GFRA1: variants seen among roughly 807,000 people sequenced by gnomAD.
GFRA1 encodes the protein GDNF family receptor alpha 1.
GFRA1 carries 16 observed loss-of-function variants against 51.6 expected under a neutral mutation model. The observed-to-expected ratio is 0.31, with a 90% CI of 0.21 to 0.47. The LOEUF (loss-of-function observed/expected upper bound fraction) is 0.47. Among genes scored for constraint, GFRA1 ranks in the 20% least tolerant of loss-of-function variants. The pLI, the probability that GFRA1 is intolerant of heterozygous loss-of-function variation, is 1.00. For synonymous variants in GFRA1, 270 were observed against 241.3 expected (o/e 1.12, Z -1.10); for missense variants, 530 against 594.3 (o/e 0.89, Z 1.13).
intron 8 of GFRA1, among the ~76,000 whole-genome samples, chr10:116,093,180 T>A (rs906966144): frequency 6.6e-6 from 1 of 152,184 alleles, no homozygotes; most frequent in African/African-American, 2.4e-5. Context: ...GAATTGTTGC[T>A]TCTCCTCTGA....
chr10:116,110,927 T>C (rs760828283), intron 6 of GFRA1, among the ~76,000 whole-genome samples: 3 of 152,162 alleles, frequency 2.0e-5, no homozygotes, highest in African/African-American at 4.8e-5. Flanking sequence ...CAAGGGTTCA[T>C]AGCAACCTTG....
chr10:116,180,817 T>C (rs1399806948), intron 5 of GFRA1, among the ~76,000 whole-genome samples: 2 of 152,238 alleles, frequency 1.3e-5, no homozygotes, highest in Non-Finnish European at 2.9e-5. Flanking sequence ...CCAAATAACG[T>C]TCTTTCTAGA....
intron 6 of GFRA1, among the ~76,000 whole-genome samples, chr10:116,098,652 C>A (rs1956701973): frequency 6.6e-6 from 1 of 152,188 alleles, no homozygotes; most frequent in Non-Finnish European, 1.5e-5. Context: ...CGGCCTGTCC[C>A]CCAGAGACAA....
chr10:116,087,059 C>A (rs764857712), intron 9 of GFRA1, among the ~76,000 whole-genome samples: 1 of 152,164 alleles, frequency 6.6e-6, no homozygotes, highest in Non-Finnish European at 1.5e-5. Context: ...TTACTTTTGT[C>A]CTTCTGTTTA....
chr10:116,201,551 A>G (rs1398265998), intron 5 of GFRA1, among the ~76,000 whole-genome samples: 1 of 151,936 alleles, frequency 6.6e-6, no homozygotes, highest in African/African-American at 2.4e-5. Context: ...CTGCCCAATT[A>G]GACATTCAGT....
intron 5 of GFRA1, among the ~76,000 whole-genome samples, chr10:116,170,587 A>G (rs556217630): frequency 9.5e-4 from 144 of 152,246 alleles, no homozygotes; most frequent in African/African-American, 3.3e-3. Context: ...CAGGCTCCCT[A>G]CCCCATGACT....
chr10:116,196,408 G>A (rs1359939536), intron 5 of GFRA1, among the ~76,000 whole-genome samples: 1 of 149,598 alleles, frequency 6.7e-6, no homozygotes, highest in Non-Finnish European at 1.5e-5. Context: ...AGAATCGCTT[G>A]AACCTGAGAG....
chr10:116,063,977 G>C lies in GFRA1; in HGVS notation c.*421C>G, dbSNP rs188319729. 38 of 180,930 alleles carry C rather than the reference G, an allele frequency of 2.1e-4. No homozygotes were observed. Among genetic ancestry groups the C allele is most frequent in the Middle Eastern group, 2.6e-3 (1 of 386 alleles). The allele number at this position is 180,930 out of a possible 1,614,324, so 11.2% of individuals were successfully genotyped here. On this transcript the variant is annotated 3_prime_UTR_variant, in exon 11 of 11. Transcript: ENST00000355422. The stretch of plus-strand genomic sequence containing the variant: ...CAATGTCATTAAAGGAGATATGGGA[G>C]TTACCTTAGAAATATTAACTCCTTC...
chr10:116,210,200 C>T (rs763106200), intron 5 of GFRA1, among the ~76,000 whole-genome samples: 5 of 152,148 alleles, frequency 3.3e-5, no homozygotes, highest in Admixed American at 1.3e-4. Context: ...CCACCATGAA[C>T]GCTCACCATT....
intron 9 of GFRA1, among the ~76,000 whole-genome samples, chr10:116,069,252 T>C (rs1955260984): frequency 6.6e-6 from 1 of 152,252 alleles, no homozygotes; most frequent in Admixed American, 6.5e-5. Flanking sequence ...TCTTACAGTA[T>C]GTTGAAAAAT....
At chr10:116,263,389 C>T (rs919075083) in intron 4 of GFRA1, among the ~76,000 whole-genome samples, 1 of 152,094 alleles carries the variant, frequency 6.6e-6, no homozygotes, top group Non-Finnish European at 1.5e-5. Context: ...TCCAAAAGAA[C>T]CTATACAGTA....
chr10:116,183,125 A>T (rs1962390545), intron 5 of GFRA1, among the ~76,000 whole-genome samples: 1 of 152,234 alleles, frequency 6.6e-6, no homozygotes, highest in Admixed American at 6.5e-5. Flanking sequence ...AGAGGGAACA[A>T]GTACAGCAAG....
intron 5 of GFRA1, among the ~76,000 whole-genome samples, chr10:116,170,126 T>C (rs753961317): frequency 1.3e-5 from 2 of 152,122 alleles, no homozygotes; most frequent in Non-Finnish European, 2.9e-5. Context: ...CTCTCCTGTC[T>C]CAATTGCTAA....
upstream of GFRA1, among the ~76,000 whole-genome samples, chr10:116,274,377 C>A (rs575915062): frequency 9.2e-5 from 14 of 152,370 alleles, no homozygotes; most frequent in Non-Finnish European, 1.3e-4. Context: ...TCACGCCAGA[C>A]AATGGGCCGC....
chr10:116,196,855 T>C (rs1232745274), intron 5 of GFRA1, among the ~76,000 whole-genome samples: 29 of 141,846 alleles, frequency 2.0e-4, no homozygotes, highest in South Asian at 6.5e-4. Context: ...ATATTTTTTT[T>C]CCCTCCCACA....
At chr10:116,070,947 C>T (rs1370378280) in intron 9 of GFRA1, among the ~76,000 whole-genome samples, 1 of 152,146 alleles carries the variant, frequency 6.6e-6, no homozygotes, top group Non-Finnish European at 1.5e-5. Flanking sequence ...CAATCACTTG[C>T]AACCACTGGT....
intron 5 of GFRA1, among the ~76,000 whole-genome samples, chr10:116,151,771 T>A (rs1959074089): frequency 6.6e-6 from 1 of 152,166 alleles, no homozygotes; most frequent in African/African-American, 2.4e-5. Flanking sequence ...TTTCTTTGTT[T>A]ATTGAGGATC....
At chr10:116,085,490 A>G (rs942440978) in intron 9 of GFRA1, among the ~76,000 whole-genome samples, 16 of 152,090 alleles carry the variant, frequency 1.1e-4, no homozygotes, top group African/African-American at 3.9e-4. Flanking sequence ...GGCTGGGACA[A>G]ACGCCATTCT....
intron 6 of GFRA1, among the ~76,000 whole-genome samples, chr10:116,119,469 C>A (rs1287588389): frequency 6.6e-6 from 1 of 152,176 alleles, no homozygotes; most frequent in Non-Finnish European, 1.5e-5. Context: ...ATTCTAGAAA[C>A]TTTCTTTCCA....
Sources: allele counts gnomAD v4.1 joint callset (sites outside exome capture counted in the v4.1 genomes callset), GRCh38; gene constraint gnomAD v4.1.1; transcripts MANE v1.5; gene names NCBI Gene and HGNC (gene_info 2026-07-23, HGNC 2026-07-21).